DMD: variants seen among roughly 807,000 people sequenced by gnomAD.
DMD encodes mutant dystrophin.
DMD carries 63 observed loss-of-function variants against 330.1 expected under a neutral mutation model. The observed-to-expected ratio is 0.19, with a 90% CI of 0.16 to 0.24. The LOEUF is 0.24. Among genes scored for constraint, DMD ranks in the 10% least tolerant of loss-of-function variants. DMD has a pLI of 1.00. For synonymous variants in DMD, 1,223 were observed against 959.8 expected, an observed-to-expected ratio of 1.27 and a Z score of -5.07; for missense variants, 3,344 against 2,684.1, an observed-to-expected ratio of 1.25 and a Z score of -5.43.
At chrX:31,122,902 G>A (rs973704077) in intron 78 of DMD, among the ~76,000 whole-genome samples, 3 of 111,550 alleles carry the variant, frequency 2.7e-5, no homozygotes, top group Non-Finnish European at 5.7e-5. Context: ...TTGCCTTTTC[G>A]TCTATGTCCC....
At chrX:32,511,916 A>C (rs2148762837) in intron 18 of DMD, among the ~76,000 whole-genome samples, 1 of 112,055 alleles carries the variant, frequency 8.9e-6, no homozygotes, top group African/African-American at 3.2e-5. Flanking sequence ...CGGATTCTAA[A>C]TTATTTAGTA....
chrX:32,843,705 G>A (rs1432736449), intron 4 of DMD, among the ~76,000 whole-genome samples: 4 of 111,627 alleles, frequency 3.6e-5, no homozygotes, highest in African/African-American at 9.8e-5. Flanking sequence ...ATGTAATTAG[G>A]GAGCTACTAA....
At position 32,390,155 on chromosome X, in the gene DMD, A is replaced by G; in HGVS notation, c.4260T>C (p.His1420=). ...TCTTCATTTCTTCTAAACTGATCTC[A>G]TGACTTGTCAAATCAGATTGGATTT... The part of the protein sequence containing the change: ...AQKIQSDLTS[H]EISLEEMKKH... The change falls in exon 31 of 79, where the codon CAT becomes CAC. Residue 1420 remains histidine, a synonymous_variant. Coordinates refer to ENST00000357033, the MANE Select transcript of DMD (RefSeq NM_004006.3). The G allele has an allele frequency of 8.3e-7, 1 of 1,203,684 alleles. No homozygotes were observed. The highest frequency in any genetic ancestry group is 1.1e-6 in the Non-Finnish European group (1 of 888,413).
At chrX:31,634,603 T>C (rs752880811) in intron 54 of DMD, among the ~76,000 whole-genome samples, 1 of 111,746 alleles carries the variant, frequency 8.9e-6, no homozygotes, top group Admixed American at 9.5e-5. Flanking sequence ...TAAGAGAGTA[T>C]AGGCATTATC....
chrX:32,713,851 G>C (rs754591318), intron 7 of DMD, among the ~76,000 whole-genome samples: 1 of 111,656 alleles, frequency 9.0e-6, no homozygotes, highest in East Asian at 2.8e-4. Context: ...AGAAAATATA[G>C]TGAGTCAAAA....
At chrX:32,678,691 T>TAA (rs2062144392) in intron 9 of DMD, among the ~76,000 whole-genome samples, 1 of 111,637 alleles carries the variant, frequency 9.0e-6, no homozygotes, top group South Asian at 3.7e-4. Context: ...CAGTCAGAGT[T>TAA]ATATTATCTT....
chrX:32,674,047 C>A, intron 9 of DMD, among the ~76,000 whole-genome samples: 1 of 111,615 alleles, frequency 9.0e-6, no homozygotes, highest in East Asian at 2.8e-4. Context: ...ACACAAAACC[C>A]CAAAATATGT....
intron 53 of DMD, among the ~76,000 whole-genome samples, chrX:31,678,874 T>C (rs757204126): frequency 1.1e-3 from 120 of 111,905 alleles, no homozygotes; most frequent in African/African-American, 3.8e-3. Flanking sequence ...TCCAGATTAC[T>C]AAACAAAATT....
chrX:32,702,964 C>T (rs1182121254), intron 7 of DMD, among the ~76,000 whole-genome samples: 4 of 111,397 alleles, frequency 3.6e-5, no homozygotes, highest in Non-Finnish European at 7.5e-5. Flanking sequence ...TAGACACCAA[C>T]AAAAGTTTCA....
intron 44 of DMD, among the ~76,000 whole-genome samples, chrX:31,997,802 T>TA (rs1191356848): frequency 9.0e-6 from 1 of 111,724 alleles, no homozygotes; most frequent in African/African-American, 3.3e-5. Context: ...AGTAGATGTA[T>TA]ATTCTTCCTG....
chrX:32,308,646 G>A (rs529377388), intron 42 of DMD, among the ~76,000 whole-genome samples: 47 of 110,750 alleles, frequency 4.2e-4, no homozygotes, highest in Admixed American at 3.8e-3. Flanking sequence ...ATACTATTAC[G>A]ATTGACATCA....
intron 13 of DMD, among the ~76,000 whole-genome samples, chrX:32,586,178 A>G (rs1017951705): frequency 9.0e-6 from 1 of 111,295 alleles, no homozygotes; most frequent in African/African-American, 3.3e-5. Flanking sequence ...AAAATAAAAA[A>G]TCCAGTTCCT....
chrX:32,095,310 C>T (rs2096497993), intron 44 of DMD, among the ~76,000 whole-genome samples: 3 of 111,796 alleles, frequency 2.7e-5, no homozygotes, highest in Admixed American at 9.5e-5. Flanking sequence ...TCTCGTTATC[C>T]ATAGTTTCAA....
chrX:31,397,000 A>C (rs1374609515), intron 60 of DMD, among the ~76,000 whole-genome samples: 5 of 111,760 alleles, frequency 4.5e-5, no homozygotes, highest in Non-Finnish European at 1.9e-5. Flanking sequence ...TAAGAGAATA[A>C]ACTAGATTTA....
Position 32,412,129 on chromosome X carries a change from C to G in DMD, c.4072-216G>C, listed in dbSNP as rs779462670. On this transcript the variant is annotated intron_variant, in intron 29 of 78. Transcript: ENST00000357033. ...CAAACAAAACTATAGGATCAGGGAT[C>G]TCTGCATGAAAATCAATCACAATAT... is the stretch of plus-strand genomic sequence containing the variant. 9.5e-6 allele frequency: 11 copies of G among 1,152,415 alleles called. No individual in the cohort carries two copies. In the African/African-American group the frequency reaches 1.6e-4, roughly 17 times the overall value. 95.0% of individuals were successfully genotyped at this position (1,152,415 alleles called of 1,213,427 possible).
intron 41 of DMD, among the ~76,000 whole-genome samples, chrX:32,336,686 A>G (rs1569558597): frequency 8.9e-6 from 1 of 112,160 alleles, no homozygotes; most frequent in African/African-American, 3.2e-5. Flanking sequence ...TTACATAACC[A>G]GATTATACAT....
At chrX:32,519,174 C>A in intron 17 of DMD, among the ~76,000 whole-genome samples, 1 of 100,508 alleles carries the variant, frequency 9.9e-6, no homozygotes. Flanking sequence ...TTTGCAACAA[C>A]ATGTATGAAC....
intron 44 of DMD, among the ~76,000 whole-genome samples, chrX:32,188,072 A>G (rs1039211291): frequency 9.0e-6 from 1 of 111,053 alleles, no homozygotes; most frequent in African/African-American, 3.3e-5. Flanking sequence ...CAGGCGTAAC[A>G]TCTATATTAT....
chrX:32,173,564 A>G (rs1229175582), intron 44 of DMD, among the ~76,000 whole-genome samples: 5 of 109,909 alleles, frequency 4.5e-5, no homozygotes, highest in East Asian at 2.9e-4. Flanking sequence ...GTAGAGACGG[A>G]GTTTCACCGT....
Sources: gnomAD v4.1 joint callset for allele counts (sites outside exome capture counted in the v4.1 genomes callset) on GRCh38, gnomAD v4.1.1 for gene constraint, MANE v1.5 for transcripts, NCBI Gene and HGNC (gene_info 2026-07-23, HGNC 2026-07-21) for gene names.